Variants in ENOX1 observed in about 807,000 individuals in gnomAD.
The protein encoded by ENOX1 is ecto-NOX disulfide-thiol exchanger 1.
ENOX1 carries 42 observed loss-of-function variants against 82.5 expected under a neutral mutation model. The ratio of observed to expected loss-of-function variants is 0.51; its 90% CI spans 0.40 to 0.66. The LOEUF (loss-of-function observed/expected upper bound fraction) is 0.66. Among genes scored for constraint, ENOX1 ranks in the 30% least tolerant of loss-of-function variants. ENOX1 has a pLI of 0.00. For missense variants in ENOX1, 608 were observed against 811.6 expected, an observed-to-expected ratio of 0.75 and a Z score of 3.05; for synonymous variants, 271 against 282.2, an observed-to-expected ratio of 0.96 and a Z score of 0.40.
chr13:43,778,409 A>G (rs868646754), intron 1 of ENOX1, among the ~76,000 whole-genome samples: 62 of 152,274 alleles, frequency 4.1e-4, no homozygotes, highest in Non-Finnish European at 7.6e-4. Flanking sequence ...GAACAAGAGG[A>G]AAAAAAGCAA....
intron 2 of ENOX1, among the ~76,000 whole-genome samples, chr13:43,598,065 T>G (rs2081545230): frequency 6.6e-6 from 1 of 152,108 alleles, no homozygotes; most frequent in Non-Finnish European, 1.5e-5. Context: ...CATGTTGAAA[T>G]TGTTCACTGG....
At chr13:43,470,249 C>CAT (rs71861024) in intron 3 of ENOX1, among the ~76,000 whole-genome samples, 4 of 52,706 alleles carry the variant, frequency 7.6e-5, no homozygotes, top group Admixed American at 1.6e-4. Flanking sequence ...TATATATATA[C>CAT]ATATATATAT....
At chr13:43,668,539 T>C (rs2085097739) in intron 1 of ENOX1, among the ~76,000 whole-genome samples, 1 of 152,194 alleles carries the variant, frequency 6.6e-6, no homozygotes, top group Non-Finnish European at 1.5e-5. Flanking sequence ...ACTAAAAGCA[T>C]AGCCAAATTT....
intron 2 of ENOX1, chr13:43,543,913 C>CTTTTTTTTTT (rs11324994): frequency 7.2e-5 from 7 of 97,420 alleles, no homozygotes; most frequent in Non-Finnish European, 1.2e-4. Context: ...TTTTCTTTTT[C>CTTTTTTTTTT]TTTTTTTTTT....
intron 11 of ENOX1, among the ~76,000 whole-genome samples, chr13:43,311,461 T>C (rs2047199542): frequency 6.6e-6 from 1 of 152,194 alleles, no homozygotes; most frequent in Non-Finnish European, 1.5e-5. Flanking sequence ...TAACAAAATC[T>C]TGCCCCCCTA....
chr13:43,337,931 T>C (rs1214836919), intron 9 of ENOX1, among the ~76,000 whole-genome samples: 1 of 152,190 alleles, frequency 6.6e-6, no homozygotes, highest in South Asian at 2.1e-4. Context: ...GCTCTAACAT[T>C]CTATAATTTC....
chr13:43,271,533 C>T (rs1593634635), intron 12 of ENOX1, among the ~76,000 whole-genome samples: 1 of 151,772 alleles, frequency 6.6e-6, no homozygotes, highest in Non-Finnish European at 1.5e-5. Flanking sequence ...AATTTAAGAT[C>T]GGGGAAGAAC....
At chr13:43,241,508 C>T (rs2042830553) in intron 14 of ENOX1, among the ~76,000 whole-genome samples, 1 of 152,168 alleles carries the variant, frequency 6.6e-6, no homozygotes, top group Non-Finnish European at 1.5e-5. Flanking sequence ...AGTTTCCTCT[C>T]AGTGAGATCT....
rs1298696061 is a variant in ENOX1 at position 43,231,542 on chromosome 13, T to G, written c.1714+5094A>C. 2.0e-5 allele frequency among the ~76,000 whole-genome samples: 3 copies of G among 152,254 alleles called. No homozygotes were observed. In the South Asian group the frequency reaches 6.2e-4, roughly 31 times the overall value. ...TTGTAATATTTGTCTGTCTTATTTT[T>G]TCGATTAAACCCCTCAGACTGTATT... On this transcript the variant is annotated intron_variant, in intron 15 of 16. Coordinates refer to ENST00000690772, the MANE Select transcript of ENOX1 (RefSeq NM_001347969.2).
At chr13:43,275,573 AACACACACACACACAC>A in intron 12 of ENOX1, among the ~76,000 whole-genome samples, 1 of 148,988 alleles carries the variant, frequency 6.7e-6, no homozygotes, top group East Asian at 2.0e-4. Flanking sequence ...GACTGACACC[AACACACACACACACAC>A]ACACACACAC....
At chr13:43,714,145 T>G (rs1053103047) in intron 1 of ENOX1, among the ~76,000 whole-genome samples, 5 of 151,814 alleles carry the variant, frequency 3.3e-5, no homozygotes, top group Non-Finnish European at 7.4e-5. Context: ...AAGAACATCT[T>G]TATTTCTGCC....
intron 3 of ENOX1, among the ~76,000 whole-genome samples, chr13:43,416,336 CT>C (rs2054547503): frequency 6.7e-6 from 1 of 148,846 alleles, no homozygotes; most frequent in South Asian, 2.2e-4. Flanking sequence ...AGAGGCGCTC[CT>C]CAGTTCCCAG....
intron 1 of ENOX1, among the ~76,000 whole-genome samples, chr13:43,711,860 A>AT (rs2087743823): frequency 6.8e-6 from 1 of 147,422 alleles, no homozygotes; most frequent in Non-Finnish European, 1.5e-5. Flanking sequence ...ATTTTTTCCC[A>AT]TTTTGTAGGT....
chr13:43,380,230 A>C (rs983448093), intron 5 of ENOX1, among the ~76,000 whole-genome samples: 1 of 151,778 alleles, frequency 6.6e-6, no homozygotes, highest in Non-Finnish European at 1.5e-5. Context: ...TGGAATAAAG[A>C]ATATCGGAAA....
intron 9 of ENOX1, among the ~76,000 whole-genome samples, chr13:43,341,783 T>C (rs2049080390): frequency 6.6e-6 from 1 of 152,156 alleles, no homozygotes; most frequent in African/African-American, 2.4e-5. Flanking sequence ...TTATGAGAAC[T>C]CCAATTTTAC....
rs556072074 is a variant in ENOX1, at chr13:43,403,694, C to A, written c.208+8222G>T. Among the ~76,000 whole-genome samples the A allele has an allele frequency of 9.6e-4, 146 of 151,986 alleles. 1 individual carries two copies. The highest frequency in any genetic ancestry group is 3.5e-3 in the African/African-American group (144 of 41,460). ...TGAATTCCCATCTTTCCTAAACATA[C>A]AAAAAATTAGCTGGCACACATCTGT... On this transcript the variant is annotated intron_variant, in intron 5 of 16. Coordinates refer to ENST00000690772, the MANE Select transcript of ENOX1 (RefSeq NM_001347969.2).
At chr13:43,314,215 A>G (rs1335907873) in intron 11 of ENOX1, among the ~76,000 whole-genome samples, 1 of 152,222 alleles carries the variant, frequency 6.6e-6, no homozygotes, top group African/African-American at 2.4e-5. Context: ...CATTCAGTCA[A>G]GTGAAAGAGA....
chr13:43,395,399 C>T (rs1322082046), intron 5 of ENOX1, among the ~76,000 whole-genome samples: 4 of 152,144 alleles, frequency 2.6e-5, no homozygotes, highest in Non-Finnish European at 5.9e-5. Flanking sequence ...GTTTGTAGTC[C>T]CAGTTACTCA....
At chr13:43,744,100 C>T (rs944252794) in intron 1 of ENOX1, among the ~76,000 whole-genome samples, 1 of 152,138 alleles carries the variant, frequency 6.6e-6, no homozygotes, top group Non-Finnish European at 1.5e-5. Context: ...TTTGGGAGGA[C>T]ACATTTAAAA....
Sources: allele counts gnomAD v4.1 joint callset (sites outside exome capture counted in the v4.1 genomes callset), GRCh38; gene constraint gnomAD v4.1.1; transcripts MANE v1.5; gene names NCBI Gene and HGNC (gene_info 2026-07-23, HGNC 2026-07-21).